Variants in DPP10 observed in about 807,000 individuals in gnomAD.
DPP10 encodes inactive dipeptidyl peptidase 10.
Under a neutral mutation model 120.9 loss-of-function variants are expected in DPP10, and 33 were observed. That is an observed-to-expected ratio of 0.27 (90% confidence interval 0.21 to 0.37). The LOEUF (loss-of-function observed/expected upper bound fraction) is 0.37. Among genes scored for constraint, DPP10 ranks in the 10% least tolerant of loss-of-function variants. The probability of loss-of-function intolerance (pLI) is 1.00; values close to 1 mark genes in which losing one functional copy is unlikely to be tolerated. For missense variants in DPP10, 816 were observed against 942.8 expected, an observed-to-expected ratio of 0.87 and a Z score of 1.76; for synonymous variants, 337 against 326.1, an observed-to-expected ratio of 1.03 and a Z score of -0.36.
chr2:114,739,871 T>G (rs921182937), intron 1 of DPP10, among the ~76,000 whole-genome samples: 17 of 152,054 alleles, frequency 1.1e-4, no homozygotes, highest in African/African-American at 4.1e-4. Flanking sequence ...AATACATGTG[T>G]TTTCAGCAAA....
Position 115,261,269 on chromosome 2 carries a change from G to A in DPP10, c.61-47970G>A, listed in dbSNP as rs576859798. Among the ~76,000 whole-genome samples, 169 of 152,262 alleles carry A rather than the reference G, an allele frequency of 1.1e-3. 4 individuals carry two copies. The South Asian group carries it at 0.034, about 31-fold the overall frequency. On this transcript the variant is annotated intron_variant, in intron 1 of 25. Coordinates refer to ENST00000410059, the MANE Select transcript of DPP10 (RefSeq NM_020868.6). ...AAAGTGGTAGATTTCTTTTTCTTAA[G>A]TCGGCTAGAAGACCTAATTTTAGTA... is the stretch of plus-strand genomic sequence containing the variant.
At chr2:114,446,654 T>C (rs986456805) in intron 1 of DPP10, among the ~76,000 whole-genome samples, 1 of 152,202 alleles carries the variant, frequency 6.6e-6, no homozygotes, top group Non-Finnish European at 1.5e-5. Context: ...TGCTGCAAGT[T>C]TTTACAAACT....
intron 1 of DPP10, among the ~76,000 whole-genome samples, chr2:115,108,283 C>T (rs890893224): frequency 2.0e-5 from 3 of 152,210 alleles, no homozygotes; most frequent in Admixed American, 6.5e-5. Flanking sequence ...AACTCAGATG[C>T]CAGCAGAGGT....
At chr2:115,485,252 AAAAAC>A (rs927951524) in intron 3 of DPP10, among the ~76,000 whole-genome samples, 1 of 151,390 alleles carries the variant, frequency 6.6e-6, no homozygotes, top group African/African-American at 2.4e-5. Context: ...AAAAAAAAAA[AAAAAC>A]AAACAAAAAC....
chr2:115,179,989 C>G (rs1335283324), intron 1 of DPP10, among the ~76,000 whole-genome samples: 1 of 152,028 alleles, frequency 6.6e-6, no homozygotes, highest in Non-Finnish European at 1.5e-5. Context: ...AACCTCTTTT[C>G]TCTGAAAAAT....
intron 1 of DPP10, among the ~76,000 whole-genome samples, chr2:115,111,585 G>C (rs2049224353): frequency 6.6e-6 from 1 of 152,088 alleles, no homozygotes; most frequent in Non-Finnish European, 1.5e-5. Flanking sequence ...TGTGATCTTG[G>C]GCAAGGTGAC....
rs190040001 is a variant in DPP10 at position 115,230,183 on chromosome 2, G to A, written c.61-79056G>A. Among the ~76,000 whole-genome samples the A allele has an allele frequency of 3.8e-3, 582 of 151,272 alleles. 4 individuals carry two copies. Among genetic ancestry groups the A allele is most frequent in the Middle Eastern group, 0.017 (5 of 292 alleles). The stretch of plus-strand genomic sequence containing the variant: ...TTCCTAGCTATTTTATTTTATTTCC[G>A]GCTATTGTAAATGGGATTACTTTCT... On this transcript the variant is annotated intron_variant, in intron 1 of 25. Transcript: ENST00000410059.
At chr2:114,899,064 G>GT (rs541543354) in intron 1 of DPP10, among the ~76,000 whole-genome samples, 39 of 148,316 alleles carry the variant, frequency 2.6e-4, no homozygotes, top group Middle Eastern at 3.5e-3. Flanking sequence ...AGATGAATAT[G>GT]TTTTTTTTTT....
rs752853823 is a variant in DPP10, at chr2:115,836,558, C to T, written c.2102C>T (p.Thr701Ile). 6.2e-7 allele frequency: 1 copy of T among 1,613,522 alleles called. No individual in the cohort carries two copies. The highest frequency in any genetic ancestry group is 8.5e-7 in the Non-Finnish European group (1 of 1,179,810). The change falls in exon 23 of 26, where the codon ACT becomes ATT. Residue 701 changes from threonine to isoleucine, a missense_variant. Thr to Ile is a moderately conservative substitution (Grantham distance 89). Around this residue, in one of 3 missense-constraint regions of DPP10, gnomAD observed 592 missense variants for 649.0 expected, o/e 0.91. Coordinates refer to ENST00000410059, the MANE Select transcript of DPP10 (RefSeq NM_020868.6). Reference protein sequence around the residue: ...YLGMPSKEESTYQAASVLHNV... With the variant: ...YLGMPSKEESIYQAASVLHNV... Reference sequence around the variant, plus strand: ...GGGATGCCATCTAAGGAAGAAAGCACTTACCAGGTAACTAATTTGAAAATA... The same window carrying T: ...GGGATGCCATCTAAGGAAGAAAGCATTTACCAGGTAACTAATTTGAAAATA...
At chr2:115,247,718 A>T (rs533359227) in intron 1 of DPP10, among the ~76,000 whole-genome samples, 1 of 152,248 alleles carries the variant, frequency 6.6e-6, no homozygotes, top group Admixed American at 6.5e-5. Context: ...GAATGCATGG[A>T]GGTAAAAACA....
intron 1 of DPP10, among the ~76,000 whole-genome samples, chr2:115,075,420 G>C (rs7593199): frequency 0.26 from 39,497 of 151,958 alleles, 5,303 homozygotes; most frequent in East Asian, 0.5. Flanking sequence ...TGATCGAGGG[G>C]AAGTCCCAGA....
intron 4 of DPP10, among the ~76,000 whole-genome samples, chr2:115,504,954 TCAAA>T (rs1474894891): frequency 2.6e-5 from 4 of 152,270 alleles, no homozygotes; most frequent in Non-Finnish European, 4.4e-5. Context: ...CCCTGCAGTT[TCAAA>T]CAGTTATTCA....
intron 1 of DPP10, among the ~76,000 whole-genome samples, chr2:115,172,484 T>C (rs1426887917): frequency 1.3e-5 from 2 of 152,160 alleles, no homozygotes; most frequent in Non-Finnish European, 2.9e-5. Context: ...AATGATTATA[T>C]GCTAAATAAA....
At chr2:115,558,448 C>T (rs2080356709) in intron 5 of DPP10, among the ~76,000 whole-genome samples, 1 of 151,976 alleles carries the variant, frequency 6.6e-6, no homozygotes, top group South Asian at 2.1e-4. Flanking sequence ...TCAGGGTACC[C>T]AAGAGTACAT....
At chr2:115,167,233 T>A in intron 1 of DPP10, among the ~76,000 whole-genome samples, 1 of 149,472 alleles carries the variant, frequency 6.7e-6, no homozygotes, top group African/African-American at 2.5e-5. Context: ...AAATGTGTAG[T>A]CTGGGAATAA....
chr2:115,414,153 G>T (rs1468690213), intron 3 of DPP10, among the ~76,000 whole-genome samples: 1 of 152,078 alleles, frequency 6.6e-6, no homozygotes, highest in Non-Finnish European at 1.5e-5. Flanking sequence ...CCCCCAAATT[G>T]TACCTATTTA....
At chr2:114,663,662 T>TAGAG (rs1407543024) in intron 1 of DPP10, among the ~76,000 whole-genome samples, 1,088 of 94,866 alleles carry the variant, frequency 0.011, 4 homozygotes, top group Non-Finnish European at 0.016. Context: ...TATATATATA[T>TAGAG]ATATATAGAG....
intron 1 of DPP10, among the ~76,000 whole-genome samples, chr2:114,532,256 CATATATATATATATATAT>C (rs66716319): frequency 0.066 from 5,717 of 86,274 alleles, 350 homozygotes; most frequent in Admixed American, 0.16. Context: ...AATAAATCTC[CATATATATATATATATAT>C]ATATATATAT....
intron 3 of DPP10, among the ~76,000 whole-genome samples, chr2:115,419,899 G>A (rs2069782331): frequency 6.6e-6 from 1 of 152,126 alleles, no homozygotes; most frequent in Non-Finnish European, 1.5e-5. Context: ...TAATAATGTG[G>A]GAATTGGTTG....
Sources: allele counts gnomAD v4.1 joint callset (sites outside exome capture counted in the v4.1 genomes callset), GRCh38; gene constraint gnomAD v4.1.1; regional missense constraint gnomAD v4.1.1; transcripts MANE v1.5; gene names NCBI Gene and HGNC (gene_info 2026-07-23, HGNC 2026-07-21).